Variants in GPM6B observed in about 807,000 individuals in gnomAD.
The protein encoded by GPM6B is neuronal membrane glycoprotein M6-b.
GPM6B carries 4 observed loss-of-function variants against 27.2 expected under a neutral mutation model. The observed-to-expected ratio is 0.15, with a 90% CI of 0.07 to 0.34. The LOEUF (loss-of-function observed/expected upper bound fraction) is 0.34, where lower values mean the gene tolerates loss of function less well. Among genes scored for constraint, GPM6B ranks in the 10% least tolerant of loss-of-function variants. The pLI is 1.00. For synonymous variants in GPM6B, 124 were observed against 103.1 expected, an observed-to-expected ratio of 1.20 and a Z score of -1.23; for missense variants, 183 against 261.9, an observed-to-expected ratio of 0.70 and a Z score of 2.08.
At chrX:13,869,359 GTT>G (rs199826065) in intron 1 of GPM6B, among the ~76,000 whole-genome samples, 22,006 of 101,126 alleles carry the variant, frequency 0.22, 1,933 homozygotes, top group East Asian at 0.61. Flanking sequence ...GATATAGGTT[GTT>G]TTTTTTTTTT....
rs1379060519 is a variant in GPM6B, at chrX:13,785,629, T to C, written c.361A>G (p.Ser121Gly). 8.3e-7 allele frequency: 1 copy of C among 1,209,424 alleles called. No individual in the cohort carries two copies. The highest frequency in any genetic ancestry group is 1.1e-6 in the Non-Finnish European group (1 of 894,649). The change falls in exon 3 of 8, where the codon AGC (serine) becomes GGC (glycine). Residue 121 changes from serine (S) to glycine (G), a missense_variant. Transcript: ENST00000316715. Reference sequence around the variant, plus strand: ...AGGGAACCGGATACTTACACCTCGCTCAGCAAGGCATGGTCACTGGCGTTG... The same window carrying C: ...AGGGAACCGGATACTTACACCTCGCCCAGCAAGGCATGGTCACTGGCGTTG... ...STNASDHALL[S>G]EVIQLMQYVI...
intron 1 of GPM6B, among the ~76,000 whole-genome samples, chrX:13,927,447 A>G (rs1432952983): frequency 8.9e-6 from 1 of 112,772 alleles, no homozygotes; most frequent in Non-Finnish European, 1.9e-5. Context: ...GCAAAGTATT[A>G]TTGTCTAAGT....
At chrX:13,862,370 G>C (rs2147254155) in intron 1 of GPM6B, among the ~76,000 whole-genome samples, 1 of 111,780 alleles carries the variant, frequency 8.9e-6, no homozygotes, top group Non-Finnish European at 1.9e-5. Context: ...GAGTTTGTGA[G>C]AGTTAACTAC....
At chrX:13,850,372 G>C (rs141636636) in intron 1 of GPM6B, among the ~76,000 whole-genome samples, 235 of 112,377 alleles carry the variant, frequency 2.1e-3, no homozygotes, top group African/African-American at 7.2e-3. Flanking sequence ...AGCTTCCTGA[G>C]GCCTTTACTG....
chrX:13,932,825 T>C, intron 1 of GPM6B, among the ~76,000 whole-genome samples: 1 of 111,153 alleles, frequency 9.0e-6, no homozygotes, highest in South Asian at 3.8e-4. Context: ...GAAGTACTTT[T>C]CACCAGAGAA....
chrX:13,804,037 T>TCTTGCTCTTGGAC (rs2048970915), intron 2 of GPM6B, among the ~76,000 whole-genome samples: 1 of 112,019 alleles, frequency 8.9e-6, no homozygotes, highest in African/African-American at 3.2e-5. Flanking sequence ...TCTTCTCCCT[T>TCTTGCTCTTGGAC]CTTGCTCTTG....
intron 1 of GPM6B, among the ~76,000 whole-genome samples, chrX:13,891,971 T>C (rs2050192664): frequency 8.9e-6 from 1 of 111,821 alleles, no homozygotes; most frequent in Admixed American, 9.5e-5. Context: ...GTTCCCACAA[T>C]GCAGCCTTGT....
In GPM6B at chrX:13,854,190, T is replaced by G. The variant is rs191860249; in HGVS notation, c.-197-68382A>C. 1.7e-4 allele frequency among the ~76,000 whole-genome samples: 19 copies of G among 111,841 alleles called. 1 individual carries two copies. Among genetic ancestry groups the G allele is most frequent in the African/African-American group, 5.9e-4 (18 of 30,726 alleles). The stretch of plus-strand genomic sequence containing the variant: ...CCGCTTCACACCATTTGAAACCAAC[T>G]GTGGCACTCCAGGCACTGCTGCAGG... On this transcript the variant is annotated intron_variant, in intron 1 of 6. Transcript: ENST00000398361.
chrX:13,879,263 T>A (rs938783701), intron 1 of GPM6B, among the ~76,000 whole-genome samples: 1 of 112,171 alleles, frequency 8.9e-6, no homozygotes, highest in African/African-American at 3.2e-5. Flanking sequence ...AAGCAGGTCA[T>A]AACTTACGGT....
chrX:13,775,039 G>C (rs1431792735), intron 7 of GPM6B, among the ~76,000 whole-genome samples: 1 of 111,796 alleles, frequency 8.9e-6, no homozygotes, highest in Non-Finnish European at 1.9e-5. Context: ...TTTTTTCATA[G>C]ATTCTAAGGG....
intron 1 of GPM6B, among the ~76,000 whole-genome samples, chrX:13,896,810 C>A (rs962479050): frequency 9.0e-6 from 1 of 111,723 alleles, no homozygotes; most frequent in African/African-American, 3.3e-5. Flanking sequence ...TCAGGTGATC[C>A]ACCTGCCTCG....
intron 1 of GPM6B, among the ~76,000 whole-genome samples, chrX:13,925,529 T>C (rs1340462902): frequency 3.0e-5 from 3 of 99,117 alleles, no homozygotes; most frequent in Non-Finnish European, 6.1e-5. Flanking sequence ...GGTCTCGCTA[T>C]GTTGCTCAAA....
At chrX:13,833,803 T>C (rs987294391) in intron 1 of GPM6B, among the ~76,000 whole-genome samples, 1 of 112,497 alleles carries the variant, frequency 8.9e-6, no homozygotes. Context: ...TACACTCAAG[T>C]GGAATCAGAA....
At chrX:13,931,448 A>G (rs761498272) in intron 1 of GPM6B, among the ~76,000 whole-genome samples, 100 of 109,554 alleles carry the variant, frequency 9.1e-4, no homozygotes, top group African/African-American at 2.7e-3. Context: ...AGATCGCACC[A>G]CTGCACTCCA....
chrX:13,931,426 T>A (rs1312054426), intron 1 of GPM6B, among the ~76,000 whole-genome samples: 2 of 108,482 alleles, frequency 1.8e-5, no homozygotes, highest in Non-Finnish European at 1.9e-5. Flanking sequence ...AGGCAGAGCT[T>A]GCAGTGAGCC....
intron 1 of GPM6B, among the ~76,000 whole-genome samples, chrX:13,937,451 A>C (rs1407491732): frequency 2.7e-5 from 3 of 111,748 alleles, no homozygotes. Flanking sequence ...GCGGGCAAGC[A>C]ATTCCCAAGC....
At chrX:13,899,614 C>T (rs1040904227) in intron 1 of GPM6B, among the ~76,000 whole-genome samples, 3 of 110,407 alleles carry the variant, frequency 2.7e-5, no homozygotes, top group Admixed American at 9.7e-5. Flanking sequence ...GACAGAAACA[C>T]GCAAGTATGG....
At chrX:13,795,906 C>A (rs781538569) in intron 2 of GPM6B, among the ~76,000 whole-genome samples, 1 of 109,530 alleles carries the variant, frequency 9.1e-6, no homozygotes, top group Non-Finnish European at 1.9e-5. Flanking sequence ...CACATGCTGC[C>A]ATGCCTGGCT....
In GPM6B at chrX:13,775,845, A is replaced by G. The variant is rs141353952; in HGVS notation, c.837+393T>C. On this transcript the variant is annotated intron_variant, in intron 7 of 7. Coordinates refer to ENST00000316715, the MANE Select transcript of GPM6B (RefSeq NM_001001995.3). Reference sequence around the variant, plus strand: ...GCTACCCTGTATGAGTGACTATATAAATGTATGTATATGTGCATATCTCCA... The same window carrying G: ...GCTACCCTGTATGAGTGACTATATAGATGTATGTATATGTGCATATCTCCA... 7.7e-4 allele frequency among the ~76,000 whole-genome samples: 87 copies of G among 112,268 alleles called. No homozygotes were observed. The East Asian group carries it at 0.019, about 25-fold the overall frequency.
Sources: allele counts gnomAD v4.1 joint callset (sites outside exome capture counted in the v4.1 genomes callset), GRCh38; gene constraint gnomAD v4.1.1; transcripts MANE v1.5; gene names NCBI Gene and HGNC (gene_info 2026-07-23, HGNC 2026-07-21).